Variants in FGF2 observed in about 807,000 individuals in gnomAD.
The protein encoded by FGF2 is basic fibroblast growth factor bFGF.
In FGF2, 13 loss-of-function variants were observed where a neutral mutation model predicts 15.9. The observed-to-expected ratio is 0.82, with a 90% CI of 0.53 to 1.30. The LOEUF is 1.30. FGF2 is among the 50% of genes most tolerant of loss of function. The pLI is 0.00. For synonymous variants in FGF2, 90 were observed against 78.4 expected, an observed-to-expected ratio of 1.15 and a Z score of -0.78; for missense variants, 163 against 196.9, an observed-to-expected ratio of 0.83 and a Z score of 1.03.
At chr4:122,889,309 G>A (rs1319170995) in intron 2 of FGF2, among the ~76,000 whole-genome samples, 2 of 152,174 alleles carry the variant, frequency 1.3e-5, no homozygotes, top group African/African-American at 4.8e-5. Context: ...GTTGTTATAA[G>A]CCCTTAGAAG....
rs1462345144 is a variant in FGF2 at position 122,892,537 on chromosome 4, A to G, written c.*141A>G. On this transcript the variant is annotated 3_prime_UTR_variant, in exon 3 of 3. Transcript: ENST00000644866. Reference sequence around the variant, plus strand: ...ACAATTTTTTATCCAGTAGTAAAATATGTAACCATTGTCCCAGTAAAGAAA... The same window carrying G: ...ACAATTTTTTATCCAGTAGTAAAATGTGTAACCATTGTCCCAGTAAAGAAA... 1 of 1,494,886 alleles carries G rather than the reference A, an allele frequency of 6.7e-7. No homozygotes were observed. Among genetic ancestry groups the G allele is most frequent in the Non-Finnish European group, 8.9e-7 (1 of 1,125,122 alleles). 92.6% of individuals were successfully genotyped at this position (1,494,886 alleles called of 1,614,324 possible).
At chr4:122,842,608 T>C (rs1443471601) in intron 1 of FGF2, among the ~76,000 whole-genome samples, 1 of 152,188 alleles carries the variant, frequency 6.6e-6, no homozygotes, top group African/African-American at 2.4e-5. Flanking sequence ...TGAGGACTGT[T>C]GTTGATCTCA....
At chr4:122,879,264 A>C (rs1404617882) in intron 2 of FGF2, among the ~76,000 whole-genome samples, 1 of 152,224 alleles carries the variant, frequency 6.6e-6, no homozygotes, top group African/African-American at 2.4e-5. Context: ...TGAACCAATA[A>C]GTAATTTTGG....
At chr4:122,869,412 T>TA (rs1398927030) in intron 1 of FGF2, among the ~76,000 whole-genome samples, 1 of 152,246 alleles carries the variant, frequency 6.6e-6, no homozygotes, top group African/African-American at 2.4e-5. Context: ...ATTGAATCTA[T>TA]AAATTACTTT....
intron 1 of FGF2, among the ~76,000 whole-genome samples, chr4:122,871,439 C>A (rs1355035562): frequency 6.6e-6 from 1 of 151,996 alleles, no homozygotes; most frequent in Non-Finnish European, 1.5e-5. Context: ...ACTATTATTT[C>A]ATAGGAGTCT....
chr4:122,841,599 A>T (rs13118875), intron 1 of FGF2, among the ~76,000 whole-genome samples: 1 of 152,238 alleles, frequency 6.6e-6, no homozygotes, highest in African/African-American at 2.4e-5. Context: ...AAAAGAAAAA[A>T]AATAAAGGTG....
chr4:122,846,677 G>T (rs1482901274), intron 1 of FGF2, among the ~76,000 whole-genome samples: 2 of 152,212 alleles, frequency 1.3e-5, no homozygotes, highest in Admixed American at 1.3e-4. Flanking sequence ...TAAAAGAGAC[G>T]AGATCAAGGG....
In FGF2 at chr4:122,897,823, TC is replaced by T; in HGVS notation, c.*5429del. ...GCATGCAAAATTTTTCTAGCTTCCATCCTTTCTCCCTCGTTTCTTCTTTTTT... is the reference window on the plus strand; with the variant it reads ...GCATGCAAAATTTTTCTAGCTTCCATCTTTCTCCCTCGTTTCTTCTTTTTT... On this transcript the variant is annotated 3_prime_UTR_variant, in exon 3 of 3. Transcript: ENST00000644866. The T allele has an allele frequency of 1.6e-6, 1 of 626,166 alleles. No homozygotes were observed. Among genetic ancestry groups the T allele is most frequent in the South Asian group, 2.0e-5 (1 of 49,536 alleles). The allele number at this position is 626,166 out of a possible 1,614,324, so 38.8% of individuals were successfully genotyped here.
chr4:122,860,834 A>G (rs1028858939), intron 1 of FGF2, among the ~76,000 whole-genome samples: 3 of 152,154 alleles, frequency 2.0e-5, no homozygotes, highest in African/African-American at 7.2e-5. Flanking sequence ...TAAAGTATAG[A>G]TTTATTTGGA....
chr4:122,875,247 G>A (rs1235573654), intron 1 of FGF2, among the ~76,000 whole-genome samples: 1 of 151,864 alleles, frequency 6.6e-6, no homozygotes. Context: ...TCATAATTAA[G>A]TAATTTTTTT....
rs566105696 is a variant in FGF2 at position 122,874,720 on chromosome 4, G to A, written c.179-1601G>A. Among the ~76,000 whole-genome samples the A allele has an allele frequency of 9.7e-4, 147 of 151,960 alleles. 1 individual carries two copies. In the South Asian group the frequency reaches 0.017, roughly 18 times the overall value. On this transcript the variant is annotated intron_variant, in intron 1 of 2. Transcript: ENST00000644866. ...ATTTTGCATGTCTGTTGCTGTCTTG[G>A]TAGGAAAAATTTTAAAACATAAATT...
Position 122,827,476 on chromosome 4 carries a change from G to C in FGF2, c.178+124G>C. 1 of 1,139,904 alleles carries C rather than the reference G, an allele frequency of 8.8e-7. No individual in the cohort carries two copies. The highest frequency in any genetic ancestry group is 1.3e-6 in the Non-Finnish European group (1 of 781,472). The allele number at this position is 1,139,904 out of a possible 1,614,324, so 70.6% of individuals were successfully genotyped here. A position where few individuals can be genotyped will look rare whatever the true frequency, so the allele number is the denominator to read the frequency against. ...GACCCTAGCGCTCCGTGTGGTTTCT[G>C]GCCGCGCGGCCCTCGGCGGTTTCGG... On this transcript the variant is annotated intron_variant, in intron 1 of 2. Coordinates refer to ENST00000644866, the MANE Select transcript of FGF2 (RefSeq NM_001361665.2). The surrounding 1 kb of genome is among the most constrained non-coding windows in gnomAD (Gnocchi z 4.2).
At chr4:122,853,295 C>T (rs1438601227) in intron 1 of FGF2, among the ~76,000 whole-genome samples, 1 of 152,070 alleles carries the variant, frequency 6.6e-6, no homozygotes, top group East Asian at 1.9e-4. Context: ...GAGATCCTGT[C>T]TCAAAAATAA....
intron 1 of FGF2, among the ~76,000 whole-genome samples, chr4:122,837,459 T>C (rs1725888891): frequency 6.6e-6 from 1 of 152,226 alleles, no homozygotes; most frequent in African/African-American, 2.4e-5. Flanking sequence ...GAATTAGAAA[T>C]GCAAATAATC....
At chr4:122,844,672 T>G (rs891849216) in intron 1 of FGF2, among the ~76,000 whole-genome samples, 1 of 151,334 alleles carries the variant, frequency 6.6e-6, no homozygotes, top group Non-Finnish European at 1.5e-5. Context: ...GGACCTACTC[T>G]GTCACCCAGG....
intron 1 of FGF2, among the ~76,000 whole-genome samples, chr4:122,849,249 A>G (rs1353325932): frequency 6.6e-6 from 1 of 152,216 alleles, no homozygotes; most frequent in Non-Finnish European, 1.5e-5. Context: ...TGGCACATAC[A>G]TACCATGGAA....
chr4:122,885,756 G>C (rs1727043488), intron 2 of FGF2, among the ~76,000 whole-genome samples: 1 of 151,800 alleles, frequency 6.6e-6, no homozygotes, highest in Admixed American at 6.6e-5. Context: ...TTCTTTTTCT[G>C]TTCCAGGATA....
At chr4:122,886,549 C>A (rs1177062112) in intron 2 of FGF2, among the ~76,000 whole-genome samples, 1 of 152,070 alleles carries the variant, frequency 6.6e-6, no homozygotes, top group East Asian at 1.9e-4. Flanking sequence ...CATTTTCCTC[C>A]ATTTATTTAT....
chr4:122,832,055 C>G (rs561113401), intron 1 of FGF2, among the ~76,000 whole-genome samples: 1 of 152,224 alleles, frequency 6.6e-6, no homozygotes, highest in Admixed American at 6.5e-5. Flanking sequence ...TTTAAAACCA[C>G]GAGATGCCTG....
Sources: gnomAD v4.1 joint callset for allele counts (sites outside exome capture counted in the v4.1 genomes callset) on GRCh38, gnomAD v4.1.1 for gene constraint, Gnocchi (gnomAD v3.1) non-coding constraint, MANE v1.5 for transcripts, NCBI Gene and HGNC (gene_info 2026-07-23, HGNC 2026-07-21) for gene names.